RHO: variants seen among roughly 807,000 people sequenced by gnomAD.
The protein encoded by RHO is rhodopsin, also known as opsin 2, rod pigment.
A neutral mutation model predicts 31.2 loss-of-function variants in RHO; 21 were observed. The observed-to-expected ratio is 0.67, with a 90% CI of 0.48 to 0.97. The LOEUF is 0.97. RHO is among the 50% of genes least tolerant of loss of function. RHO has a pLI of 0.00. For missense variants in RHO, 414 were observed against 479.5 expected (o/e 0.86, Z 1.28); for synonymous variants, 211 against 196.6 (o/e 1.07, Z -0.61).
At position 129,528,780 on chromosome 3, in the gene RHO, C is replaced by A; in HGVS notation, c.47C>A (p.Ala16Glu). Residue 16 changes from alanine to glutamate, a missense_variant, in exon 1 of 5, where the codon GCG (alanine) becomes GAG (glutamate). Coordinates refer to ENST00000296271, the MANE Select transcript of RHO (RefSeq NM_000539.3). ...GPNFYVPFSN[A>E]TGVVRSPFEY... is the part of the protein sequence containing the mutation. Reference sequence around the variant, plus strand: ...AACTTCTACGTGCCCTTCTCCAATGCGACGGGTGTGGTACGCAGCCCCTTC... The same window carrying A: ...AACTTCTACGTGCCCTTCTCCAATGAGACGGGTGTGGTACGCAGCCCCTTC... The A allele has an allele frequency of 6.2e-7, 1 of 1,614,186 alleles. No homozygotes were observed. Among genetic ancestry groups the A allele is most frequent in the Non-Finnish European group, 8.5e-7 (1 of 1,180,040 alleles).
At chr3:129,530,505 AAACACACACACACACACACACACACAC>A (rs944123514) in intron 1 of RHO, among the ~76,000 whole-genome samples, 2 of 124,030 alleles carry the variant, frequency 1.6e-5, no homozygotes, top group Admixed American at 7.9e-5. Flanking sequence ...TTCTTCTGCT[AAACACACACACACACACACACACACAC>A]AACACACACA....
Position 129,532,797 on chromosome 3 carries a change from C to T in RHO, c.936+25C>T. The T allele has an allele frequency of 6.2e-7, 1 of 1,613,144 alleles. No homozygotes were observed. Among genetic ancestry groups the T allele is most frequent in the Non-Finnish European group, 8.5e-7 (1 of 1,180,016 alleles). On this transcript the variant is annotated intron_variant, in intron 4 of 4. Coordinates refer to ENST00000296271, the MANE Select transcript of RHO (RefSeq NM_000539.3). This position sits in a 1 kb window ranked among gnomAD's most constrained non-coding sequence, Gnocchi z 5.5. ...GGTGCCTACTGCGGGTGGGAGGGCC[C>T]CAGTGCCCCAGGCCACAGGCGCTGC...
At position 129,532,348 on chromosome 3, in the gene RHO, G is replaced by T. The variant is rs768616082; in HGVS notation, c.628G>T (p.Val210Phe). The stretch of plus-strand genomic sequence containing the variant: ...GTCTTTTGTCATCTACATGTTCGTG[G>T]TCCACTTCACCATCCCCATGATTAT... ...NESFVIYMFVVHFTIPMIIIF... is the reference protein window; with the variant it reads ...NESFVIYMFVFHFTIPMIIIF... The change falls in exon 3 of 5, where the codon GTC becomes TTC. Residue 210 changes from valine to phenylalanine, a missense_variant. Transcript: ENST00000296271. This position sits in a 1 kb window ranked among gnomAD's most constrained non-coding sequence, Gnocchi z 5.5. 4.3e-6 allele frequency: 7 copies of T among 1,613,844 alleles called. No individual in the cohort carries two copies. In the East Asian group the frequency reaches 1.3e-4, roughly 31 times the overall value.
chr3:129,531,088 G>T, intron 2 of RHO, 44 bp downstream of exon 2: 1 of 1,603,446 alleles, frequency 6.2e-7, no homozygotes. Context: ...GGGGCTCTTT[G>T]TAGGGTCCTC....
chr3:129,534,515 A>C lies in RHO; in HGVS notation c.*797A>C, dbSNP rs1412073721. ...TAAAAATTAGCTAGGCATCAAGGCCAGACCAGGGCTGGGGGTTGGGCTGTA... is the reference window on the plus strand; with the variant it reads ...TAAAAATTAGCTAGGCATCAAGGCCCGACCAGGGCTGGGGGTTGGGCTGTA... On this transcript the variant is annotated 3_prime_UTR_variant, in exon 5 of 5. Transcript: ENST00000296271. The C allele has an allele frequency of 6.6e-6, 1 of 152,292 alleles. No individual in the cohort carries two copies. Among genetic ancestry groups the C allele is most frequent in the African/African-American group, 2.4e-5 (1 of 41,474 alleles). 9.4% of individuals were successfully genotyped at this position (152,292 alleles called of 1,614,324 possible). A position where few individuals can be genotyped will look rare whatever the true frequency, so the allele number is the denominator to read the frequency against.
chr3:129,532,821 G>A lies in RHO; in HGVS notation c.936+49G>A. ...CCCAGTGCCCCAGGCCACAGGCGCT[G>A]CCTGCCAAGGACAAGCTACTTCCCA... is the stretch of plus-strand genomic sequence containing the variant. On this transcript the variant is annotated intron_variant, in intron 4 of 4. Transcript: ENST00000296271. The surrounding 1 kb of genome is among the most constrained non-coding windows in gnomAD (Gnocchi z 5.5). 6.2e-7 allele frequency: 1 copy of A among 1,610,586 alleles called. No individual in the cohort carries two copies. The highest frequency in any genetic ancestry group is 8.5e-7 in the Non-Finnish European group (1 of 1,179,752).
chr3:129,530,531 ACAACACACACACAC>A (rs1332092021), intron 1 of RHO, among the ~76,000 whole-genome samples: 1 of 110,596 alleles, frequency 9.0e-6, no homozygotes, highest in Non-Finnish European at 1.7e-5. Flanking sequence ...ACACACACAC[ACAACACACACACAC>A]ACACACACAC....
At chr3:129,529,953 C>T (rs917581758) in intron 1 of RHO, among the ~76,000 whole-genome samples, 7 of 152,140 alleles carry the variant, frequency 4.6e-5, no homozygotes, top group African/African-American at 1.2e-4. Flanking sequence ...CAGGAGGAGA[C>T]GCTAGAAGCA....
chr3:129,529,124 G>A, intron 1 of RHO, 30 bp downstream of exon 1: 1 of 1,599,716 alleles, frequency 6.3e-7, no homozygotes, highest in Non-Finnish European at 8.5e-7. Flanking sequence ...GGGGTGTGCA[G>A]GAGCCCGGGA....
rs1182244003 is a variant in RHO, at chr3:129,534,636, G to T, written c.*918G>T. ...GGTGAAGGCCAAGTTCCCAATGAGGGTGAGATTGGGCCTGGGGTCTCACCC... is the reference window on the plus strand; with the variant it reads ...GGTGAAGGCCAAGTTCCCAATGAGGTTGAGATTGGGCCTGGGGTCTCACCC... On this transcript the variant is annotated 3_prime_UTR_variant, in exon 5 of 5. Coordinates refer to ENST00000296271, the MANE Select transcript of RHO (RefSeq NM_000539.3). 6.6e-6 allele frequency: 1 copy of T among 152,616 alleles called. No individual in the cohort carries two copies. Among genetic ancestry groups the T allele is most frequent in the Admixed American group, 6.5e-5 (1 of 15,284 alleles). The allele number at this position is 152,616 out of a possible 1,614,324, so 9.5% of individuals were successfully genotyped here. A position where few individuals can be genotyped will look rare whatever the true frequency, so the allele number is the denominator to read the frequency against.
rs1432291926 is a variant in RHO, at chr3:129,533,733, T to C, written c.*15T>C. 7.6e-6 allele frequency: 12 copies of C among 1,573,086 alleles called. No individual in the cohort carries two copies. The highest frequency in any genetic ancestry group is 4.4e-6 in the Non-Finnish European group (5 of 1,142,968). On this transcript the variant is annotated 3_prime_UTR_variant, in exon 5 of 5. Coordinates refer to ENST00000296271, the MANE Select transcript of RHO (RefSeq NM_000539.3). ...CCCCGGCCTAAGACCTGCCTAGGACTCTGTGGCCGACTATAGGCGTCTCCC... is the reference window on the plus strand; with the variant it reads ...CCCCGGCCTAAGACCTGCCTAGGACCCTGTGGCCGACTATAGGCGTCTCCC...
chr3:129,531,121 G>T (rs781681710), intron 2 of RHO, 77 bp downstream of exon 2: 35 of 1,552,682 alleles, frequency 2.3e-5, no homozygotes, highest in Middle Eastern at 4.2e-4. Flanking sequence ...AAACCCAGTA[G>T]TGTCTGGTTC....
rs762059468 is a variant in RHO, at chr3:129,530,879, A to G, written c.365A>G (p.Glu122Gly). 1.2e-6 allele frequency: 2 copies of G among 1,614,216 alleles called. No individual in the cohort carries two copies. The highest frequency in any genetic ancestry group is 1.7e-5 in the Admixed American group (1 of 60,032). The change falls in exon 2 of 5, where the codon GAA becomes GGA. Residue 122 changes from glutamate (E) to glycine (G), a missense_variant. By Grantham distance (98) the Glu-to-Gly change is moderately conservative. Transcript: ENST00000296271. ...LEGFFATLGG[E>G]IALWSLVVLA... The stretch of plus-strand genomic sequence containing the variant: ...CCGCCTGCTGACTGCCTTGCAGGTG[A>G]AATTGCCCTGTGGTCCTTGGTGGTC...
At chr3:129,530,799 C>CCT in intron 1 of RHO, 77 bp from the exon 2 acceptor site, 1 of 1,586,062 alleles carries the variant, frequency 6.3e-7, no homozygotes, top group Non-Finnish European at 8.7e-7. Flanking sequence ...TCCTAGCTAC[C>CCT]CTCTCCCTGT....
rs766225946 is a variant in RHO at position 129,533,958 on chromosome 3, C to A, written c.*240C>A. 4.1e-6 allele frequency: 2 copies of A among 486,982 alleles called. No individual in the cohort carries two copies. Among genetic ancestry groups the A allele is most frequent in the African/African-American group, 3.9e-5 (2 of 51,456 alleles). The allele number at this position is 486,982 out of a possible 1,614,324, so 30.2% of individuals were successfully genotyped here. ...GGAGTCCCACGTTCCCCAAGGCCAGCGGGATGTGTGCCCCTCCTCCTCCCA... is the reference window on the plus strand; with the variant it reads ...GGAGTCCCACGTTCCCCAAGGCCAGAGGGATGTGTGCCCCTCCTCCTCCCA... On this transcript the variant is annotated 3_prime_UTR_variant, in exon 5 of 5. Transcript: ENST00000296271.
chr3:129,531,388 G>A (rs1008527089), intron 2 of RHO, among the ~76,000 whole-genome samples: 4 of 152,224 alleles, frequency 2.6e-5, no homozygotes, highest in Non-Finnish European at 5.9e-5. Flanking sequence ...CTCAGCAGCA[G>A]GGGAGGCCAC....
Position 129,532,682 on chromosome 3 carries a change from C to A in RHO, c.846C>A (p.Asn282Lys). The change falls in exon 4 of 5, where the codon AAC becomes AAA. Residue 282 changes from asparagine to lysine, a missense_variant. Coordinates refer to ENST00000296271, the MANE Select transcript of RHO (RefSeq NM_000539.3). The surrounding 1 kb of genome is among the most constrained non-coding windows in gnomAD (Gnocchi z 5.5). Reference sequence around the variant, plus strand: ...ACATCTTCACCCACCAGGGCTCCAACTTCGGTCCCATCTTCATGACCATCC... The same window carrying A: ...ACATCTTCACCCACCAGGGCTCCAAATTCGGTCCCATCTTCATGACCATCC... The part of the protein sequence containing the change: ...AFYIFTHQGS[N>K]FGPIFMTIPA... 1 of 1,614,280 alleles carries A rather than the reference C, an allele frequency of 6.2e-7. No homozygotes were observed. Among genetic ancestry groups the A allele is most frequent in the Non-Finnish European group, 8.5e-7 (1 of 1,180,046 alleles).
chr3:129,530,749 C>T, intron 1 of RHO, 127 bp from the exon 2 acceptor site: 1 of 1,162,332 alleles, frequency 8.6e-7, no homozygotes. Flanking sequence ...CTCTCCTTCC[C>T]CAAGGCCTCC....
At chr3:129,529,184 G>A in intron 1 of RHO, 90 bp downstream of exon 1, 6 of 1,474,666 alleles carry the variant, frequency 4.1e-6, no homozygotes, top group Non-Finnish European at 5.5e-6. Context: ...TGGCTGAGAG[G>A]CCTTCTCCCT....
Sources: gnomAD v4.1 joint callset for allele counts (sites outside exome capture counted in the v4.1 genomes callset) on GRCh38, gnomAD v4.1.1 for gene constraint, Gnocchi (gnomAD v3.1) non-coding constraint, MANE v1.5 for transcripts, NCBI Gene and HGNC (gene_info 2026-07-23, HGNC 2026-07-21) for gene names.